KNL1: variants seen among roughly 807,000 people sequenced by gnomAD.
The protein encoded by KNL1 is kinetochore scaffold 1.
In KNL1, 66 loss-of-function variants were observed where a neutral mutation model predicts 201.3. The observed-to-expected ratio is 0.33, with a 90% confidence interval of 0.27 to 0.40. The LOEUF (loss-of-function observed/expected upper bound fraction) is 0.40, where lower values mean the gene tolerates loss of function less well. KNL1 is among the 10% of genes least tolerant of loss of function. The pLI is 1.00. For synonymous variants in KNL1, 895 were observed against 899.2 expected, an observed-to-expected ratio of 1.00 and a Z score of 0.08; for missense variants, 2,815 against 2,690.5, an observed-to-expected ratio of 1.05 and a Z score of -1.02.
chr15:40,635,391 C>A (rs1893026583), intron 13 of KNL1, among the ~76,000 whole-genome samples: 1 of 149,610 alleles, frequency 6.7e-6, no homozygotes, highest in African/African-American at 2.5e-5. Flanking sequence ...TTTCACTCTT[C>A]TTGCCCAGGC....
intron 24 of KNL1, among the ~76,000 whole-genome samples, chr15:40,658,646 G>T (rs1392763222): frequency 6.6e-6 from 1 of 150,678 alleles, no homozygotes; most frequent in East Asian, 2.0e-4. Context: ...AATGAAATTG[G>T]GCTGGGACGG....
At chr15:40,654,685 T>C (rs950067185) in intron 21 of KNL1, among the ~76,000 whole-genome samples, 15 of 151,246 alleles carry the variant, frequency 9.9e-5, no homozygotes, top group Admixed American at 9.9e-4. Flanking sequence ...CTGGCTAACA[T>C]GGTGAAACCC....
intron 1 of KNL1, among the ~76,000 whole-genome samples, chr15:40,599,909 C>A (rs1408014736): frequency 6.6e-6 from 1 of 150,980 alleles, no homozygotes; most frequent in African/African-American, 2.4e-5. Context: ...CTCCAGGGTT[C>A]CAGAGATCCT....
intron 1 of KNL1, among the ~76,000 whole-genome samples, chr15:40,600,823 G>A (rs757635852): frequency 2.0e-5 from 3 of 152,162 alleles, no homozygotes; most frequent in Non-Finnish European, 2.9e-5. Context: ...CAGGAACTGA[G>A]ACCAGTTCAG....
rs74011933 is a variant in KNL1 at position 40,628,772 on chromosome 15, T to A, written c.5583+94T>A. The A allele has an allele frequency of 2.4e-3, 1,678 of 701,252 alleles. 23 individuals carry two copies. The African/African-American group carries it at 0.028, about 12-fold the overall frequency. 43.4% of individuals were successfully genotyped at this position (701,252 alleles called of 1,614,324 possible). On this transcript the variant is annotated intron_variant, in intron 12 of 25. Coordinates refer to ENST00000399668, the MANE Select transcript of KNL1 (RefSeq NM_144508.5). ...CACGTAATATTCTTGGTTTAAAAAA[T>A]TTTTTTTAATTACGAAATATTTCAA...
At chr15:40,628,902 T>C (rs1892825495) in intron 12 of KNL1, among the ~76,000 whole-genome samples, 1 of 152,120 alleles carries the variant, frequency 6.6e-6, no homozygotes, top group Non-Finnish European at 1.5e-5. Context: ...GGCATGGTGG[T>C]TCATGCCTGT....
At position 40,623,822 on chromosome 15, in the gene KNL1, C is replaced by T. The variant is rs746369163; in HGVS notation, c.3558C>T (p.Asn1186=). 2 of 1,613,202 alleles carry T rather than the reference C, an allele frequency of 1.2e-6. No individual in the cohort carries two copies. Among genetic ancestry groups the T allele is most frequent in the South Asian group, 2.2e-5 (2 of 91,010 alleles). ...CQATEKILEE[N]PKFGIGKGKN... ...CCACAGAGAAAATACTTGAAGAAAA[C>T]CCTAAATTTGGAATAGGAAAAGGAA... Residue 1186 remains asparagine, a synonymous_variant, in exon 10 of 26, where the codon AAC becomes AAT. Coordinates refer to ENST00000399668, the MANE Select transcript of KNL1 (RefSeq NM_144508.5).
chr15:40,634,383 G>T (rs1892997634), intron 13 of KNL1, among the ~76,000 whole-genome samples: 4 of 152,216 alleles, frequency 2.6e-5, no homozygotes, highest in African/African-American at 9.6e-5. Context: ...GGGATTACAG[G>T]CATGAGCCAC....
Position 40,659,412 on chromosome 15 carries a change from C to G in KNL1, c.6787C>G (p.Pro2263Ala). ...EITLFLSAYY[P>A]SVPLPSTIQN... Reference sequence around the variant, plus strand: ...AACTTTGTTTCTCTCAGCCTATTATCCATCTGTACCATTACCTTCCACCAT... The same window carrying G: ...AACTTTGTTTCTCTCAGCCTATTATGCATCTGTACCATTACCTTCCACCAT... Residue 2263 changes from proline to alanine, a missense_variant, in exon 25 of 26, where the codon CCA becomes GCA. Coordinates refer to ENST00000399668, the MANE Select transcript of KNL1 (RefSeq NM_144508.5). 2 of 1,613,602 alleles carry G rather than the reference C, an allele frequency of 1.2e-6. No homozygotes were observed. The highest frequency in any genetic ancestry group is 2.7e-5 in the African/African-American group (2 of 75,024).
rs1014438427 is a variant in KNL1, at chr15:40,663,600, A to T, written c.*1412A>T. 2.1e-5 allele frequency: 4 copies of T among 192,250 alleles called. No homozygotes were observed. The Admixed American group carries it at 2.4e-4, about 12-fold the overall frequency. The allele number at this position is 192,250 out of a possible 1,614,324, so 11.9% of individuals were successfully genotyped here. A position where few individuals can be genotyped will look rare whatever the true frequency, so the allele number is the denominator to read the frequency against. The stretch of plus-strand genomic sequence containing the variant: ...TGACACGTCAAACAATGTCACATCC[A>T]AAACACTAGTTTCATCAATTTCTAG... On this transcript the variant is annotated 3_prime_UTR_variant, in exon 26 of 26. Coordinates refer to ENST00000399668, the MANE Select transcript of KNL1 (RefSeq NM_144508.5).
chr15:40,632,793 G>T (rs1892949822), intron 13 of KNL1, among the ~76,000 whole-genome samples: 1 of 152,146 alleles, frequency 6.6e-6, no homozygotes, highest in African/African-American at 2.4e-5. Context: ...GCCTAGACTA[G>T]AGGATTGCTT....
At chr15:40,639,223 A>G (rs1403462966) in intron 13 of KNL1, among the ~76,000 whole-genome samples, 1 of 146,608 alleles carries the variant, frequency 6.8e-6, no homozygotes, top group African/African-American at 2.5e-5. Context: ...GGGAGACCAG[A>G]GGAAGAGGAT....
chr15:40,622,747 T>C lies in KNL1; in HGVS notation c.2483T>C (p.Leu828Ser). The C allele has an allele frequency of 3.1e-6, 5 of 1,605,268 alleles. No individual in the cohort carries two copies. Among genetic ancestry groups the C allele is most frequent in the Non-Finnish European group, 4.2e-6 (5 of 1,176,888 alleles). The change falls in exon 10 of 26, where the codon TTA becomes TCA. Residue 828 changes from leucine (L) to serine (S), a missense_variant. Coordinates refer to ENST00000399668, the MANE Select transcript of KNL1 (RefSeq NM_144508.5). ...VLKSNCIMDV[L>S]EDESVQKPKF... ...AAATCTAACTGTATTATGGATGTGT[T>C]AGAGGACGAAAGTGTACAGAAACCT... is the stretch of plus-strand genomic sequence containing the variant.
At chr15:40,637,142 GTCCTTT>G (rs1327547695) in intron 13 of KNL1, among the ~76,000 whole-genome samples, 1 of 148,008 alleles carries the variant, frequency 6.8e-6, no homozygotes, top group African/African-American at 2.5e-5. Context: ...AATCTATAAG[GTCCTTT>G]TCCATCTCTC....
intron 21 of KNL1, among the ~76,000 whole-genome samples, chr15:40,652,779 G>A (rs55778101): frequency 7.8e-4 from 73 of 93,190 alleles, no homozygotes; most frequent in Non-Finnish European, 1.4e-3. Context: ...AAAAAAAAAA[G>A]AATGAGGCCC....
intron 25 of KNL1, among the ~76,000 whole-genome samples, chr15:40,659,892 T>TTTGTGTG (rs749156028): frequency 3.2e-4 from 38 of 120,096 alleles, no homozygotes; most frequent in Non-Finnish European, 6.9e-4. Flanking sequence ...TTTGAAGAAT[T>TTTGTGTG]TATGTGTGTG....
At position 40,606,389 on chromosome 15, in the gene KNL1, C is replaced by G; in HGVS notation, c.76-4C>G. The G allele has an allele frequency of 6.5e-7, 1 of 1,539,428 alleles. No individual in the cohort carries two copies. Among genetic ancestry groups the G allele is most frequent in the Non-Finnish European group, 9.0e-7 (1 of 1,113,190 alleles). ...TTTTTGAATAATTCTAATTGTTACC[C>G]TAGATATTGAAACCCCCAAGGAGTC... On this transcript the variant is annotated splice_region_variant and splice_polypyrimidine_tract_variant and intron_variant, in intron 3 of 25. Transcript: ENST00000399668.
At position 40,623,415 on chromosome 15, in the gene KNL1, C is replaced by T; in HGVS notation, c.3151C>T (p.Pro1051Ser). ...TCKNIKDVQS[P>S]GFLNEPLSSK... is the part of the protein sequence containing the mutation. Reference sequence around the variant, plus strand: ...CAAAAACATCAAAGATGTACAAAGTCCTGGATTTCTGAATGAACCTCTATC... The same window carrying T: ...CAAAAACATCAAAGATGTACAAAGTTCTGGATTTCTGAATGAACCTCTATC... The change falls in exon 10 of 26, where the codon CCT becomes TCT. Residue 1051 changes from proline to serine, a missense_variant. Pro to Ser is a moderately conservative substitution (Grantham distance 74, BLOSUM62 -1). Around this residue, in one of 3 missense-constraint regions of KNL1, gnomAD observed 2,464 missense variants for 2,291.7 expected, o/e 1.08. Coordinates refer to ENST00000399668, the MANE Select transcript of KNL1 (RefSeq NM_144508.5). The T allele has an allele frequency of 6.2e-7, 1 of 1,613,646 alleles. No homozygotes were observed. The highest frequency in any genetic ancestry group is 8.5e-7 in the Non-Finnish European group (1 of 1,179,866).
intron 13 of KNL1, among the ~76,000 whole-genome samples, chr15:40,637,342 A>G (rs1373169287): frequency 6.8e-6 from 1 of 146,450 alleles, no homozygotes; most frequent in Non-Finnish European, 1.5e-5. Context: ...TTTGTAAATT[A>G]ATATAGGCTT....
Sources: allele counts gnomAD v4.1 joint callset (sites outside exome capture counted in the v4.1 genomes callset), GRCh38; gene constraint gnomAD v4.1.1; regional missense constraint gnomAD v4.1.1; transcripts MANE v1.5; gene names NCBI Gene and HGNC (gene_info 2026-07-23, HGNC 2026-07-21).